Variants in TTF2 observed in about 807,000 individuals in gnomAD.
The protein encoded by TTF2 is RNA polymerase II termination factor.
TTF2 carries 108 observed loss-of-function variants against 142.4 expected under a neutral mutation model. The ratio of observed to expected loss-of-function variants is 0.76; its 90% confidence interval spans 0.65 to 0.89. The LOEUF (loss-of-function observed/expected upper bound fraction) is 0.89. Among genes scored for constraint, TTF2 ranks in the 40% least tolerant of loss-of-function variants. The probability of loss-of-function intolerance (pLI) is 0.00; values close to 1 mark genes in which losing one functional copy is unlikely to be tolerated. For synonymous variants in TTF2, 483 were observed against 506.2 expected (o/e 0.95, Z 0.61); for missense variants, 1,327 against 1,379.8 (o/e 0.96, Z 0.61).
In TTF2 at chr1:117,073,084, T is replaced by TC. The variant is rs1656723660; in HGVS notation, c.219-576dup. Among the ~76,000 whole-genome samples the TC allele has an allele frequency of 6.6e-6, 1 of 152,252 alleles. No individual in the cohort carries two copies. The highest frequency in any genetic ancestry group is 6.5e-5 in the Admixed American group (1 of 15,288). On this transcript the variant is annotated intron_variant, in intron 3 of 22. Coordinates refer to ENST00000369466, the MANE Select transcript of TTF2 (RefSeq NM_003594.4). This position sits in a 1 kb window ranked among gnomAD's most constrained non-coding sequence, Gnocchi z 4.4. ...CTGAAGTTTTCCCTTCATCTTTTTTTCTCCCTCGTAACTTATTTGTGGAAG... is the reference window on the plus strand; with the variant it reads ...CTGAAGTTTTCCCTTCATCTTTTTTTCCTCCCTCGTAACTTATTTGTGGAAG...
At position 117,074,819 on chromosome 1, in the gene TTF2, T is replaced by TA. The variant is rs755700986; in HGVS notation, c.286-50dup. ...AGATGAAAAGGAAAGGCATTCTAGA[T>TA]ACGAAGTTTGTATTAATATTTTATA... On this transcript the variant is annotated intron_variant, in intron 4 of 22. Coordinates refer to ENST00000369466, the MANE Select transcript of TTF2 (RefSeq NM_003594.4). The TA allele has an allele frequency of 7.5e-6, 11 of 1,457,846 alleles. No individual in the cohort carries two copies. The South Asian group carries it at 1.3e-4, about 18-fold the overall frequency. 90.3% of individuals were successfully genotyped at this position (1,457,846 alleles called of 1,614,324 possible). A position where few individuals can be genotyped will look rare whatever the true frequency, so the allele number is the denominator to read the frequency against.
intron 7 of TTF2, among the ~76,000 whole-genome samples, chr1:117,077,099 T>A (rs1054083592): frequency 6.6e-6 from 1 of 152,040 alleles, no homozygotes; most frequent in African/African-American, 2.4e-5. Context: ...AAAATAGGTA[T>A]GTACGTATGG....
At chr1:117,083,025 A>C (rs138172824) in intron 10 of TTF2, among the ~76,000 whole-genome samples, 1 of 152,088 alleles carries the variant, frequency 6.6e-6, no homozygotes, top group East Asian at 1.9e-4. Flanking sequence ...GGCGGATAAC[A>C]AGGTCAGGAG....
At chr1:117,095,913 AT>A (rs1649095901) in intron 19 of TTF2, among the ~76,000 whole-genome samples, 1 of 151,982 alleles carries the variant, frequency 6.6e-6, no homozygotes, top group African/African-American at 2.4e-5. Flanking sequence ...TCTAGCTACC[AT>A]TTTTTTCTGA....
intron 3 of TTF2, among the ~76,000 whole-genome samples, chr1:117,066,993 T>A (rs1475966031): frequency 6.6e-6 from 1 of 152,018 alleles, no homozygotes; most frequent in African/African-American, 2.4e-5. Flanking sequence ...ATGAGCCACC[T>A]CACCTGGCCA....
Position 117,092,348 on chromosome 1 carries a change from T to G in TTF2, c.2806-383T>G, listed in dbSNP as rs1648669827. 6.6e-6 allele frequency among the ~76,000 whole-genome samples: 1 copy of G among 152,162 alleles called. No homozygotes were observed. Among genetic ancestry groups the G allele is most frequent in the African/African-American group, 2.4e-5 (1 of 41,434 alleles). On this transcript the variant is annotated intron_variant, in intron 17 of 22. Coordinates refer to ENST00000369466, the MANE Select transcript of TTF2 (RefSeq NM_003594.4). This position sits in a 1 kb window ranked among gnomAD's most constrained non-coding sequence, Gnocchi z 4.4. ...GGTTTTGGGTTCCAGTTATAAAAAC[T>G]CAGATAGTTATACAGACTGAAAAGT...
rs998081385 is a variant in TTF2, at chr1:117,086,406, T to C, written c.2055-11T>C. On this transcript the variant is annotated splice_polypyrimidine_tract_variant and intron_variant, in intron 11 of 22. Transcript: ENST00000369466. This position sits in a 1 kb window ranked among gnomAD's most constrained non-coding sequence, Gnocchi z 4.2. ...GGACCATTTATTGATTTCTTTGTTA[T>C]GTCTACGCAGCCTCTCTACATATGA... is the stretch of plus-strand genomic sequence containing the variant. 3 of 1,601,498 alleles carry C rather than the reference T, an allele frequency of 1.9e-6. No individual in the cohort carries two copies. The highest frequency in any genetic ancestry group is 2.6e-6 in the Non-Finnish European group (3 of 1,168,836).
intron 12 of TTF2, among the ~76,000 whole-genome samples, chr1:117,088,261 G>A (rs1648205556): frequency 6.6e-6 from 1 of 152,182 alleles, no homozygotes; most frequent in African/African-American, 2.4e-5. Context: ...AAGTCGGCTG[G>A]GCGCGGTGGC....
In TTF2 at chr1:117,090,175, A is replaced by C. The variant is rs1204414647; in HGVS notation, c.2463A>C (p.Thr821=). Residue 821 remains threonine, a synonymous_variant, in exon 14 of 23, where the codon ACA becomes ACC. Transcript: ENST00000369466. This position sits in a 1 kb window ranked among gnomAD's most constrained non-coding sequence, Gnocchi z 4.8. ...ILTKSLLLRR[T]KDQLDSTGRP... The stretch of plus-strand genomic sequence containing the variant: ...CCAAGAGCCTTTTGCTGAGGAGAAC[A>C]AAAGACCAGCTGGACTCTACTGGCA... 2 of 1,614,122 alleles carry C rather than the reference A, an allele frequency of 1.2e-6. No homozygotes were observed. The highest frequency in any genetic ancestry group is 1.7e-6 in the Non-Finnish European group (2 of 1,179,984).
At chr1:117,074,199 G>A (rs1656805587) in intron 4 of TTF2, among the ~76,000 whole-genome samples, 1 of 152,160 alleles carries the variant, frequency 6.6e-6, no homozygotes, top group Admixed American at 6.5e-5. Flanking sequence ...CAGAGGTGTG[G>A]CTTGAACTTA....
At chr1:117,074,056 C>G (rs1269144516) in intron 4 of TTF2, among the ~76,000 whole-genome samples, 2 of 152,064 alleles carry the variant, frequency 1.3e-5, no homozygotes, top group African/African-American at 2.4e-5. Flanking sequence ...CTACTTGATA[C>G]TGGTATAAGC....
In TTF2 at chr1:117,078,132, C is replaced by G. The variant is rs1212294016; in HGVS notation, c.1701+89C>G. 3.3e-6 allele frequency: 5 copies of G among 1,520,080 alleles called. No individual in the cohort carries two copies. In the African/African-American group the frequency reaches 6.9e-5, roughly 21 times the overall value. 94.2% of individuals were successfully genotyped at this position (1,520,080 alleles called of 1,614,324 possible). ...GCTGGCAGAGAGACTTTCTGAGATA[C>G]CTTTCCTACAGACAGATGCTTAAAT... On this transcript the variant is annotated intron_variant, in intron 8 of 22. Transcript: ENST00000369466.
chr1:117,061,877 A>C (rs1655710539), intron 2 of TTF2, among the ~76,000 whole-genome samples: 1 of 152,232 alleles, frequency 6.6e-6, no homozygotes, highest in East Asian at 1.9e-4. Flanking sequence ...CCTTCACTCA[A>C]ACCTGTTTAC....
Position 117,101,347 on chromosome 1 carries a change from A to C in TTF2, c.3345-33A>C. ...TTAGATGTGCTGCTTAGGGTTTTTG[A>C]TAGTTTGCTTATTTTTTGTTTTTGT... is the stretch of plus-strand genomic sequence containing the variant. On this transcript the variant is annotated intron_variant, in intron 22 of 22. Coordinates refer to ENST00000369466, the MANE Select transcript of TTF2 (RefSeq NM_003594.4). This position sits in a 1 kb window ranked among gnomAD's most constrained non-coding sequence, Gnocchi z 5.9. 1 of 1,554,200 alleles carries C rather than the reference A, an allele frequency of 6.4e-7. No individual in the cohort carries two copies. Among genetic ancestry groups the C allele is most frequent in the Non-Finnish European group, 8.6e-7 (1 of 1,160,176 alleles).
chr1:117,076,154 T>G lies in TTF2; in HGVS notation c.1276-26T>G, dbSNP rs768043407. On this transcript the variant is annotated intron_variant, in intron 5 of 22. Transcript: ENST00000369466. This position sits in a 1 kb window ranked among gnomAD's most constrained non-coding sequence, Gnocchi z 4.6. ...TCATCTAACAGTGTGAGAGGAGAGA[T>G]CCATTTGATGGAATCTGTTTTTCAG... 5 of 1,594,434 alleles carry G rather than the reference T, an allele frequency of 3.1e-6. No individual in the cohort carries two copies. The highest frequency in any genetic ancestry group is 3.4e-6 in the Non-Finnish European group (4 of 1,162,982).
At position 117,097,330 on chromosome 1, in the gene TTF2, ATGT is replaced by A. The variant is rs1348802680; in HGVS notation, c.3187-17_3187-15del. 1.2e-6 allele frequency: 2 copies of A among 1,612,396 alleles called. No homozygotes were observed. The highest frequency in any genetic ancestry group is 8.5e-7 in the Non-Finnish European group (1 of 1,178,434). The stretch of plus-strand genomic sequence containing the variant: ...ACGAGACCAAGTCTGTTTAAAGTTA[ATGT>A]TGTGTTTCCTTTTGAAGGTAATGCT... On this transcript the variant is annotated intron_variant, in intron 20 of 22. Coordinates refer to ENST00000369466, the MANE Select transcript of TTF2 (RefSeq NM_003594.4). The surrounding 1 kb of genome is among the most constrained non-coding windows in gnomAD (Gnocchi z 4.1).
Position 117,073,835 on chromosome 1 carries a change from C to T in TTF2, c.285+108C>T. ...CGTAAATGAGTTGGTCTTCATCAGA[C>T]TGTCTCCGAAAGATAGTTTTCTTTA... is the stretch of plus-strand genomic sequence containing the variant. On this transcript the variant is annotated intron_variant, in intron 4 of 22. Coordinates refer to ENST00000369466, the MANE Select transcript of TTF2 (RefSeq NM_003594.4). The surrounding 1 kb of genome is among the most constrained non-coding windows in gnomAD (Gnocchi z 4.4). 9.8e-7 allele frequency: 1 copy of T among 1,017,102 alleles called. No homozygotes were observed. The highest frequency in any genetic ancestry group is 2.6e-5 in the East Asian group (1 of 37,752). 63.0% of individuals were successfully genotyped at this position (1,017,102 alleles called of 1,614,324 possible). A position where few individuals can be genotyped will look rare whatever the true frequency, so the allele number is the denominator to read the frequency against.
rs904287963 is a variant in TTF2, at chr1:117,106,521, A to G, written c.*4997A>G. The G allele has an allele frequency of 1.3e-5, 2 of 152,252 alleles. No individual in the cohort carries two copies. The highest frequency in any genetic ancestry group is 1.3e-4 in the Admixed American group (2 of 15,286). 9.4% of individuals were successfully genotyped at this position (152,252 alleles called of 1,614,324 possible). A position where few individuals can be genotyped will look rare whatever the true frequency, so the allele number is the denominator to read the frequency against. ...TGCCAGGCACTGCTGGGCACTGGAA[A>G]TATAAAAGTAAGCAAAAATGAAAAA... is the stretch of plus-strand genomic sequence containing the variant. On this transcript the variant is annotated 3_prime_UTR_variant, in exon 23 of 23. Transcript: ENST00000369466.
At chr1:117,067,555 T>G (rs1288127957) in intron 3 of TTF2, among the ~76,000 whole-genome samples, 1 of 149,098 alleles carries the variant, frequency 6.7e-6, no homozygotes, top group African/African-American at 2.5e-5. Context: ...AAAAGTTGTC[T>G]TAGGACAAAT....
Sources: allele counts gnomAD v4.1 joint callset (sites outside exome capture counted in the v4.1 genomes callset), GRCh38; gene constraint gnomAD v4.1.1; non-coding constraint Gnocchi (gnomAD v3.1); transcripts MANE v1.5; gene names NCBI Gene and HGNC (gene_info 2026-07-23, HGNC 2026-07-21).